Variants in DDR2 observed in about 807,000 individuals in gnomAD.
DDR2 encodes the protein discoidin domain-containing receptor 2.
Under a neutral mutation model 94.9 loss-of-function variants are expected in DDR2, and 27 were observed. The ratio of observed to expected loss-of-function variants is 0.28; its 90% CI spans 0.21 to 0.39. DDR2 has a LOEUF of 0.39. Ranked by LOEUF, DDR2 falls within the 10% of genes least tolerant of loss-of-function variation. The pLI, the probability that DDR2 is intolerant of heterozygous loss-of-function variation, is 1.00. For missense variants in DDR2, 783 were observed against 1,076.0 expected (o/e 0.73, Z 3.81); for synonymous variants, 382 against 377.2 (o/e 1.01, Z -0.15).
rs1647958761 is a variant in DDR2, at chr1:162,782,496, G to C, written c.*2250G>C. The C allele has an allele frequency of 1.3e-5, 2 of 152,010 alleles. No individual in the cohort carries two copies. The highest frequency in any genetic ancestry group is 2.9e-5 in the Non-Finnish European group (2 of 68,000). 9.4% of individuals were successfully genotyped at this position (152,010 alleles called of 1,614,324 possible). ...GATATGTGCAGGACTAGATACCTTG[G>C]GACCTGCCACACTCCACTTTCAAGA... On this transcript the variant is annotated 3_prime_UTR_variant, in exon 18 of 18. Transcript: ENST00000367921.
At chr1:162,637,585 T>G (rs1656889328) in intron 1 of DDR2, among the ~76,000 whole-genome samples, 1 of 152,098 alleles carries the variant, frequency 6.6e-6, no homozygotes, top group South Asian at 2.1e-4. Context: ...ATAAATAAAT[T>G]TATTATTTAT....
chr1:162,753,613 T>TGCAAA (rs1201136511), intron 4 of DDR2, among the ~76,000 whole-genome samples: 2 of 152,186 alleles, frequency 1.3e-5, no homozygotes, highest in Non-Finnish European at 2.9e-5. Context: ...CATCACTCAC[T>TGCAAA]GCAAAGCATC....
At chr1:162,723,919 G>A (rs973644855) in intron 3 of DDR2, among the ~76,000 whole-genome samples, 1 of 152,202 alleles carries the variant, frequency 6.6e-6, no homozygotes, top group African/African-American at 2.4e-5. Flanking sequence ...TTCAGGGTTT[G>A]GGATTAGGAG....
rs745562320 is a variant in DDR2, at chr1:162,770,421, C to T, written c.1413C>T (p.Tyr471=). Residue 471 remains tyrosine (Y), a synonymous_variant, in exon 12 of 18, where the codon TAC becomes TAT. Transcript: ENST00000367921. The part of the protein sequence containing the change: ...SPSEQGSNST[Y]DRIFPLRPDY... ...GTGAACAAGGGTCCAACTCGACTTA[C>T]GATCGCATCTTTCCCCTTCGCCCTG... The T allele has an allele frequency of 2.5e-5, 40 of 1,613,988 alleles. No homozygotes were observed. Among genetic ancestry groups the T allele is most frequent in the East Asian group, 2.5e-4 (11 of 44,890 alleles).
chr1:162,707,555 C>T lies in DDR2; in HGVS notation c.-27-11482C>T, dbSNP rs996990734. 4.6e-5 allele frequency among the ~76,000 whole-genome samples: 7 copies of T among 152,236 alleles called. 1 individual carries two copies. Among genetic ancestry groups the T allele is most frequent in the Admixed American group, 2.0e-4 (3 of 15,290 alleles). On this transcript the variant is annotated intron_variant, in intron 2 of 17. Transcript: ENST00000367921. ...CTAATCTATTGCACCAACCCTGCAG[C>T]CATGGCCTGGCATGAAGCTGCTTGC...
rs925209847 is a variant in DDR2 at position 162,685,052 on chromosome 1, A to T, written c.-28+29678A>T. 3.9e-5 allele frequency among the ~76,000 whole-genome samples: 6 copies of T among 152,096 alleles called. No individual in the cohort carries two copies. In the South Asian group the frequency reaches 1.2e-3, roughly 32 times the overall value. ...GCTACAAGGGTGAATTCTGGAGATA[A>T]ATTTTCTGGGTTTAAATCACAATTT... On this transcript the variant is annotated intron_variant, in intron 2 of 17. Transcript: ENST00000367921.
In DDR2 at chr1:162,787,380, T is replaced by G; in HGVS notation, c.*7134T>G. ...GATAAAATATTTGTAAAATATAAAA[T>G]TAAATGGCATCTATTTTGAACTCTA... On this transcript the variant is annotated 3_prime_UTR_variant, in exon 18 of 18. Transcript: ENST00000367921. The G allele has an allele frequency of 6.6e-6, 1 of 150,450 alleles. No individual in the cohort carries two copies. Among genetic ancestry groups the G allele is most frequent in the Non-Finnish European group, 1.5e-5 (1 of 67,638 alleles). 9.3% of individuals were successfully genotyped at this position (150,450 alleles called of 1,614,324 possible). A position where few individuals can be genotyped will look rare whatever the true frequency, so the allele number is the denominator to read the frequency against.
At chr1:162,647,398 A>G (rs928759932) in intron 1 of DDR2, among the ~76,000 whole-genome samples, 1 of 151,312 alleles carries the variant, frequency 6.6e-6, no homozygotes, top group African/African-American at 2.4e-5. Context: ...GTTACCGGCA[A>G]GGGGTCCCAA....
intron 3 of DDR2, among the ~76,000 whole-genome samples, chr1:162,725,183 T>G (rs1336996955): frequency 1.3e-5 from 2 of 152,158 alleles, no homozygotes; most frequent in African/African-American, 4.8e-5. Flanking sequence ...AATAGTAGTA[T>G]TATTATTCCA....
At chr1:162,778,149 T>C (rs1647691009) in intron 16 of DDR2, 1 of 282,026 alleles carries the variant, frequency 3.5e-6, no homozygotes, top group South Asian at 3.9e-5. Flanking sequence ...TTAAAGTCTA[T>C]CTTTCAACAC....
intron 2 of DDR2, among the ~76,000 whole-genome samples, chr1:162,712,268 G>A (rs1206348288): frequency 1.3e-5 from 2 of 149,646 alleles, no homozygotes; most frequent in Non-Finnish European, 3.0e-5. Flanking sequence ...ATAGGTAGGA[G>A]CAAACCCTGC....
At chr1:162,730,176 T>A (rs1661961996) in intron 3 of DDR2, among the ~76,000 whole-genome samples, 1 of 151,074 alleles carries the variant, frequency 6.6e-6, no homozygotes, top group Non-Finnish European at 1.5e-5. Context: ...ATGCTGAGTA[T>A]GGTGTGAGTA....
chr1:162,671,703 A>G (rs1055561452), intron 2 of DDR2, among the ~76,000 whole-genome samples: 1 of 152,142 alleles, frequency 6.6e-6, no homozygotes, highest in Non-Finnish European at 1.5e-5. Flanking sequence ...TGGAATCTCT[A>G]GCTCCCTGAT....
At chr1:162,658,410 C>A (rs544587381) in intron 2 of DDR2, among the ~76,000 whole-genome samples, 1 of 152,074 alleles carries the variant, frequency 6.6e-6, no homozygotes, top group Non-Finnish European at 1.5e-5. Flanking sequence ...AAATTTGGGA[C>A]GATGGCTGTG....
intron 2 of DDR2, among the ~76,000 whole-genome samples, chr1:162,668,298 T>C (rs1048645075): frequency 2.0e-5 from 3 of 152,194 alleles, no homozygotes; most frequent in African/African-American, 7.2e-5. Flanking sequence ...TGGTTAGGCT[T>C]GTGAATGTTA....
Position 162,680,069 on chromosome 1 carries a change from A to T in DDR2, c.-28+24695A>T, listed in dbSNP as rs552209976. On this transcript the variant is annotated intron_variant, in intron 2 of 17. Coordinates refer to ENST00000367921, the MANE Select transcript of DDR2 (RefSeq NM_006182.4). ...CTGTTGTTCCCCTCCTAGTTTGCAA[A>T]TATTTTCTCCCATTCTGTAGGTTAT... Among the ~76,000 whole-genome samples, 9 of 152,092 alleles carry T rather than the reference A, an allele frequency of 5.9e-5. No individual in the cohort carries two copies. The East Asian group carries it at 1.6e-3, about 26-fold the overall frequency.
chr1:162,755,515 G>C, intron 6 of DDR2, 149 bp from the exon 7 acceptor site: 1 of 1,006,306 alleles, frequency 9.9e-7, no homozygotes, highest in Non-Finnish European at 1.6e-6. Context: ...TGACTGCCAT[G>C]GAGGGGCACT....
At chr1:162,692,449 A>G (rs1253250641) in intron 2 of DDR2, among the ~76,000 whole-genome samples, 5 of 150,714 alleles carry the variant, frequency 3.3e-5, no homozygotes, top group Non-Finnish European at 7.3e-5. Context: ...AGGACATGTA[A>G]GGACCTCTCA....
chr1:162,653,107 AAAACAAACAAGC>A (rs112848616), intron 1 of DDR2, among the ~76,000 whole-genome samples: 139,039 of 151,984 alleles, frequency 0.91, 64,191 homozygotes, highest in Middle Eastern at 0.98. Context: ...CCTGTCTTAA[AAAACAAACAAGC>A]AAACAAACAA....
Sources: gnomAD v4.1 joint callset for allele counts (sites outside exome capture counted in the v4.1 genomes callset) on GRCh38, gnomAD v4.1.1 for gene constraint, MANE v1.5 for transcripts, NCBI Gene and HGNC (gene_info 2026-07-23, HGNC 2026-07-21) for gene names.